CAST: variants seen among roughly 807,000 people sequenced by gnomAD.
CAST encodes the protein calpastatin.
A neutral mutation model predicts 119.6 loss-of-function variants in CAST; 76 were observed. That is an observed-to-expected ratio of 0.64 (90% CI 0.53 to 0.77). The LOEUF is 0.77. CAST is among the 30% of genes least tolerant of loss of function. The probability of loss-of-function intolerance (pLI) is 0.00; values close to 1 mark genes in which losing one functional copy is unlikely to be tolerated. For missense variants in CAST, 953 were observed against 946.5 expected, an observed-to-expected ratio of 1.01 and a Z score of -0.09; for synonymous variants, 319 against 331.6, an observed-to-expected ratio of 0.96 and a Z score of 0.41.
chr5:96,385,102 C>A, the CAST span, among the ~76,000 whole-genome samples: 1 of 152,182 alleles, frequency 6.6e-6, no homozygotes, highest in Non-Finnish European at 1.5e-5. Context: ...AGTCAATGTG[C>A]TGGTTATTAA....
the CAST span, among the ~76,000 whole-genome samples, chr5:96,181,617 T>C: frequency 2.0e-5 from 3 of 152,222 alleles, no homozygotes; most frequent in African/African-American, 7.2e-5. Flanking sequence ...AACTCAGGGG[T>C]AGAAACAGAT....
chr5:96,000,793 A>G, the CAST span, among the ~76,000 whole-genome samples: 1 of 152,194 alleles, frequency 6.6e-6, no homozygotes, highest in South Asian at 2.1e-4. Flanking sequence ...TTTGAGGTAT[A>G]TCTCAAAAAA....
At chr5:96,373,784 T>G in the CAST span, among the ~76,000 whole-genome samples, 3 of 152,048 alleles carry the variant, frequency 2.0e-5, no homozygotes, top group Admixed American at 1.3e-4. Flanking sequence ...CTCAATGTGT[T>G]GCCCAGGCTG....
the CAST span, among the ~76,000 whole-genome samples, chr5:96,231,704 G>A: frequency 6.6e-6 from 1 of 152,010 alleles, no homozygotes; most frequent in Non-Finnish European, 1.5e-5. Context: ...AAAAATAATT[G>A]TGTTGGGTAA....
chr5:96,452,640 TAAAAAAAA>T, the CAST span, among the ~76,000 whole-genome samples: 182 of 90,138 alleles, frequency 2.0e-3, no homozygotes, highest in African/African-American at 7.8e-3. Flanking sequence ...TAAAGTATAA[TAAAAAAAA>T]AAAAAAAAAA....
chr5:96,271,874 A>T, the CAST span, among the ~76,000 whole-genome samples: 1 of 152,194 alleles, frequency 6.6e-6, no homozygotes, highest in East Asian at 1.9e-4. Context: ...CAAAGGATTA[A>T]TAAGCAGAAT....
At chr5:96,484,459 G>A in the CAST span, among the ~76,000 whole-genome samples, 3 of 152,294 alleles carry the variant, frequency 2.0e-5, no homozygotes, top group South Asian at 6.2e-4. Context: ...GCATCTGGAA[G>A]ATGTGTTGAT....
At chr5:96,066,601 C>T in the CAST span, among the ~76,000 whole-genome samples, 2,254 of 152,050 alleles carry the variant, frequency 0.015, 73 homozygotes, top group African/African-American at 0.05. Context: ...TACCGTCTGA[C>T]TTTCAATGTG....
chr5:96,433,313 T>C, the CAST span: 1 of 489,698 alleles, frequency 2.0e-6, no homozygotes, highest in Non-Finnish European at 3.8e-6. Context: ...ACGAAAGCCA[T>C]CTCTTGACGT....
the CAST span, among the ~76,000 whole-genome samples, chr5:95,995,604 C>A: frequency 6.6e-6 from 1 of 151,956 alleles, no homozygotes; most frequent in Non-Finnish European, 1.5e-5. Context: ...AGGAACAGAT[C>A]AGCAGGTTCA....
At chr5:96,212,610 G>A in the CAST span, among the ~76,000 whole-genome samples, 2 of 152,126 alleles carry the variant, frequency 1.3e-5, no homozygotes, top group Non-Finnish European at 2.9e-5. Context: ...GGTTGATAGT[G>A]TTGTTGAGTT....
chr5:96,535,256 G>A (rs1033851337), intron 1 of CAST, among the ~76,000 whole-genome samples: 4 of 152,198 alleles, frequency 2.6e-5, no homozygotes, highest in African/African-American at 7.2e-5. Context: ...GACAGTGTTG[G>A]CATTTTGCTA....
chr5:96,763,330 C>A (rs781432982), intron 25 of CAST: 31 of 766,660 alleles, frequency 4.0e-5, no homozygotes, highest in Non-Finnish European at 6.6e-5. Context: ...CACTTAAAAC[C>A]AGTAAAATGC....
the CAST span, among the ~76,000 whole-genome samples, chr5:96,260,212 C>T: frequency 6.6e-6 from 1 of 152,042 alleles, no homozygotes; most frequent in African/African-American, 2.4e-5. Context: ...GGCTTGAGAA[C>T]CATTGTGTTG....
intron 20 of CAST, among the ~76,000 whole-genome samples, chr5:96,752,523 A>C (rs1765277283): frequency 1.4e-5 from 2 of 145,758 alleles, no homozygotes; most frequent in African/African-American, 5.1e-5. Context: ...TTTAGGTATA[A>C]TCCCAAACAG....
intron 25 of CAST, among the ~76,000 whole-genome samples, chr5:96,764,980 G>T (rs1769328227): frequency 6.6e-6 from 1 of 152,138 alleles, no homozygotes; most frequent in African/African-American, 2.4e-5. Flanking sequence ...AGATGGGCAG[G>T]GTTGGGTGGA....
the CAST span, among the ~76,000 whole-genome samples, chr5:96,425,052 GAAAGAAAGAAAGAAAGA>G: frequency 8.4e-6 from 1 of 119,252 alleles, no homozygotes; most frequent in Admixed American, 7.7e-5. Flanking sequence ...AAGAAAGAAA[GAAAGAAAGAAAGAAAGA>G]AAGAAAACGT....
At chr5:96,431,340 C>T in the CAST span, among the ~76,000 whole-genome samples, 8 of 152,176 alleles carry the variant, frequency 5.3e-5, no homozygotes, top group Non-Finnish European at 7.3e-5. Context: ...CTTCTGTTCC[C>T]GGAGCAAATG....
At chr5:95,966,759 T>C in the CAST span, among the ~76,000 whole-genome samples, 1 of 152,158 alleles carries the variant, frequency 6.6e-6, no homozygotes, top group Non-Finnish European at 1.5e-5. Context: ...CATTAATACC[T>C]TTTTAGCTTT....
Sources: gnomAD v4.1 joint callset for allele counts (sites outside exome capture counted in the v4.1 genomes callset) on GRCh38, gnomAD v4.1.1 for gene constraint, MANE v1.5 for transcripts, NCBI Gene and HGNC (gene_info 2026-07-23, HGNC 2026-07-21) for gene names.